Variants in ANKRD26 observed in about 807,000 individuals in gnomAD.
The protein encoded by ANKRD26 is ankyrin repeat domain 26, also known as ankyrin repeat domain-containing protein 26.
Under a neutral mutation model 208.7 loss-of-function variants are expected in ANKRD26, and 141 were observed. The ratio of observed to expected loss-of-function variants is 0.68; its 90% CI spans 0.59 to 0.78. The LOEUF is 0.78. ANKRD26 is among the 30% of genes least tolerant of loss of function. ANKRD26 has a pLI of 0.00. For missense variants in ANKRD26, 1,889 were observed against 1,938.7 expected, an observed-to-expected ratio of 0.97 and a Z score of 0.48; for synonymous variants, 636 against 660.4, an observed-to-expected ratio of 0.96 and a Z score of 0.57.
Position 27,100,456 on chromosome 10 carries a change from C to G in ANKRD26, c.-130G>C. 7.3e-7 allele frequency: 1 copy of G among 1,377,196 alleles called. No individual in the cohort carries two copies. The highest frequency in any genetic ancestry group is 1.4e-5 in the South Asian group (1 of 74,050). The allele number at this position is 1,377,196 out of a possible 1,614,324, so 85.3% of individuals were successfully genotyped here. ...AAGGAAACTCCGCGGTTTCCAATCTCTCCCTCCGGGTTACCAAGCAAGCGA... is the reference window on the plus strand; with the variant it reads ...AAGGAAACTCCGCGGTTTCCAATCTGTCCCTCCGGGTTACCAAGCAAGCGA... On this transcript the variant is annotated 5_prime_UTR_variant, in exon 1 of 34. Transcript: ENST00000376087.
intron 6 of ANKRD26, chr10:27,080,570 G>A: frequency 1.1e-6 from 1 of 943,036 alleles, no homozygotes; most frequent in Non-Finnish European, 1.3e-6. Flanking sequence ...AAGAATGCTG[G>A]AGAAAGAGTC....
chr10:27,062,693 A>G (rs930185306), intron 12 of ANKRD26, among the ~76,000 whole-genome samples: 1 of 152,038 alleles, frequency 6.6e-6, no homozygotes, highest in Non-Finnish European at 1.5e-5. Flanking sequence ...CTCCATAACC[A>G]ACCCTACTCT....
At chr10:26,957,616 C>T in the ANKRD26 span, among the ~76,000 whole-genome samples, 9 of 151,994 alleles carry the variant, frequency 5.9e-5, no homozygotes, top group African/African-American at 9.7e-5. Context: ...AAAAAAGAAA[C>T]GGAACATTGG....
intron 5 of ANKRD26, among the ~76,000 whole-genome samples, chr10:27,083,712 T>C (rs771240541): frequency 1.3e-5 from 2 of 152,236 alleles, no homozygotes; most frequent in Non-Finnish European, 2.9e-5. Flanking sequence ...CTGCAAAAGC[T>C]TCCTTGTTTC....
chr10:26,975,419 T>TTTTTTTTTC, exon 6 of ANKRD26, among the ~76,000 whole-genome samples: 1 of 140,538 alleles, frequency 7.1e-6, no homozygotes, highest in South Asian at 2.4e-4. Context: ...TTTTTTTTTT[T>TTTTTTTTTC]TGGTGTAGTT....
chr10:27,075,514 G>A (rs1386472352), intron 9 of ANKRD26, among the ~76,000 whole-genome samples: 2 of 152,086 alleles, frequency 1.3e-5, no homozygotes, highest in Non-Finnish European at 2.9e-5. Context: ...ACTATATAAC[G>A]ATAAAAGGAT....
intron 26 of ANKRD26, 136 bp from the exon 27 acceptor site, chr10:27,029,081 C>T (rs1189751014): frequency 4.0e-5 from 40 of 999,090 alleles, no homozygotes; most frequent in Admixed American, 5.2e-5. Context: ...GCAACTCTAT[C>T]GTTTTTCTAG....
At position 27,100,476 on chromosome 10, in the gene ANKRD26, A is replaced by T. The variant is rs1347460297; in HGVS notation, c.-150T>A. The T allele has an allele frequency of 8.3e-7, 1 of 1,203,926 alleles. No homozygotes were observed. The highest frequency in any genetic ancestry group is 1.1e-6 in the Non-Finnish European group (1 of 880,586). 74.6% of individuals were successfully genotyped at this position (1,203,926 alleles called of 1,614,324 possible). ...AATCTCTCCCTCCGGGTTACCAAGC[A>T]AGCGATCCCGCTAGACACAAGTGCG... On this transcript the variant is annotated 5_prime_UTR_variant, in exon 1 of 34. Coordinates refer to ENST00000376087, the MANE Select transcript of ANKRD26 (RefSeq NM_014915.3).
the ANKRD26 span, among the ~76,000 whole-genome samples, chr10:26,968,726 G>A: frequency 6.6e-6 from 1 of 152,176 alleles, no homozygotes; most frequent in East Asian, 1.9e-4. Flanking sequence ...AATACTTAGG[G>A]CAGCCTTAAA....
intron 15 of ANKRD26, among the ~76,000 whole-genome samples, chr10:27,055,043 A>C (rs920118765): frequency 8.5e-5 from 13 of 152,230 alleles, no homozygotes; most frequent in African/African-American, 2.9e-4. Context: ...AGGATAATGC[A>C]GGCCTAAACT....
chr10:27,029,178 G>A, intron 26 of ANKRD26, 108 bp downstream of exon 26: 5 of 1,344,378 alleles, frequency 3.7e-6, no homozygotes, highest in Non-Finnish European at 5.1e-6. Context: ...ATTTTTCCTT[G>A]ACTTCACACA....
chr10:27,089,789 T>A lies in ANKRD26; in HGVS notation c.638+2617A>T, dbSNP rs1024422851. On this transcript the variant is annotated intron_variant, in intron 4 of 33. Coordinates refer to ENST00000376087, the MANE Select transcript of ANKRD26 (RefSeq NM_014915.3). Reference sequence around the variant, plus strand: ...CCAGGTGACAGAGTGAGACCCTGTCTCAGAAACAAAACAAAACAAAAAGAA... The same window carrying A: ...CCAGGTGACAGAGTGAGACCCTGTCACAGAAACAAAACAAAACAAAAAGAA... Among the ~76,000 whole-genome samples the A allele has an allele frequency of 2.0e-5, 3 of 152,306 alleles. No homozygotes were observed. In the East Asian group the frequency reaches 5.8e-4, roughly 29 times the overall value.
chr10:27,093,918 A>C (rs780637598), intron 1 of ANKRD26, 119 bp from the exon 2 acceptor site: 2 of 810,252 alleles, frequency 2.5e-6, no homozygotes, highest in Non-Finnish European at 3.9e-6. Flanking sequence ...TCCCCACCCA[A>C]ATCTCATCTT....
intron 6 of ANKRD26, chr10:27,080,800 T>C: frequency 1.0e-6 from 1 of 985,500 alleles, no homozygotes; most frequent in East Asian, 1.1e-4. Context: ...GGAGTCTCTG[T>C]CATCTGCCAG....
chr10:26,969,811 GTTTT>G (rs34596945), downstream of ANKRD26, among the ~76,000 whole-genome samples: 1 of 136,354 alleles, frequency 7.3e-6, no homozygotes, highest in East Asian at 2.1e-4. Flanking sequence ...TTTACTTTCT[GTTTT>G]TTTTTTTTTT....
chr10:26,969,552 A>G (rs984738805), downstream of ANKRD26, among the ~76,000 whole-genome samples: 2 of 152,184 alleles, frequency 1.3e-5, no homozygotes, highest in African/African-American at 4.8e-5. Flanking sequence ...AGCACTCTCC[A>G]GGGCTCCATA....
the ANKRD26 span, among the ~76,000 whole-genome samples, chr10:26,952,180 A>G: frequency 2.0e-5 from 3 of 152,116 alleles, no homozygotes; most frequent in Admixed American, 6.5e-5. Flanking sequence ...TGGAACTGCA[A>G]TAAAGCCTCT....
At chr10:27,093,052 G>A (rs1398391383) in intron 3 of ANKRD26, among the ~76,000 whole-genome samples, 2 of 151,646 alleles carry the variant, frequency 1.3e-5, no homozygotes, top group Non-Finnish European at 2.9e-5. Context: ...TCGCGCCTCT[G>A]CACTTTAGAC....
chr10:26,972,115 G>A (rs368490952), downstream of ANKRD26, among the ~76,000 whole-genome samples: 16 of 151,776 alleles, frequency 1.1e-4, no homozygotes, highest in East Asian at 1.6e-3. Flanking sequence ...GGCGCCTGTA[G>A]TCCCAGCTAC....
Sources: allele counts gnomAD v4.1 joint callset (sites outside exome capture counted in the v4.1 genomes callset), GRCh38; gene constraint gnomAD v4.1.1; transcripts MANE v1.5; gene names NCBI Gene and HGNC (gene_info 2026-07-23, HGNC 2026-07-21).